Variants in SMC5 observed in about 807,000 individuals in gnomAD.
SMC5 encodes the protein structural maintenance of chromosomes 5.
A neutral mutation model predicts 148.3 loss-of-function variants in SMC5; 88 were observed. That is an observed-to-expected ratio of 0.59 (90% CI 0.50 to 0.71). The LOEUF (loss-of-function observed/expected upper bound fraction) is 0.71, where lower values mean the gene tolerates loss of function less well. Among genes scored for constraint, SMC5 ranks in the 30% least tolerant of loss-of-function variants. The probability of loss-of-function intolerance (pLI) is 0.00; values close to 1 mark genes in which losing one functional copy is unlikely to be tolerated. For missense variants in SMC5, 1,142 were observed against 1,298.9 expected, an observed-to-expected ratio of 0.88 and a Z score of 1.86; for synonymous variants, 421 against 432.8, an observed-to-expected ratio of 0.97 and a Z score of 0.34.
intron 10 of SMC5, among the ~76,000 whole-genome samples, chr9:70,305,021 A>C (rs1201857310): frequency 6.6e-6 from 1 of 152,212 alleles, no homozygotes; most frequent in African/African-American, 2.4e-5. Flanking sequence ...TATCAAAATC[A>C]ATATGCACTG....
chr9:70,348,135 C>A, intron 22 of SMC5, 97 bp downstream of exon 22: 1 of 1,169,352 alleles, frequency 8.6e-7, no homozygotes, highest in Non-Finnish European at 1.1e-6. Flanking sequence ...TGAGTTATAT[C>A]TGTGAAAAGT....
In SMC5 at chr9:70,259,222, C is replaced by T. The variant is rs779694157; in HGVS notation, c.144C>T (p.Phe48=). The change falls in exon 1 of 25, where the codon TTC becomes TTT. Residue 48 remains phenylalanine (F), a synonymous_variant. Coordinates refer to ENST00000361138, the MANE Select transcript of SMC5 (RefSeq NM_015110.4). ...QLPLLQSSGP[F]VEGSIVRISM... ...CGCTGTTGCAGTCGTCCGGGCCTTT[C>T]GTGGAAGGCTCTATCGTCCGCATCT... The T allele has an allele frequency of 2.5e-6, 4 of 1,604,178 alleles. No individual in the cohort carries two copies. Among genetic ancestry groups the T allele is most frequent in the Non-Finnish European group, 1.7e-6 (2 of 1,175,076 alleles).
chr9:70,277,732 A>G (rs1001529607), intron 4 of SMC5, among the ~76,000 whole-genome samples: 9 of 152,088 alleles, frequency 5.9e-5, no homozygotes, highest in Non-Finnish European at 1.2e-4. Context: ...TGGCTCAGAT[A>G]GCTATGTGCT....
chr9:70,302,813 A>G lies in SMC5; in HGVS notation c.1465-2434A>G, dbSNP rs145072551. ...ACCACATAAACTGGCCAGTGACCCT[A>G]CTTGTGTGACTTCCTTGAGTCTTCC... On this transcript the variant is annotated intron_variant, in intron 10 of 24. Coordinates refer to ENST00000361138, the MANE Select transcript of SMC5 (RefSeq NM_015110.4). 3.9e-3 allele frequency among the ~76,000 whole-genome samples: 594 copies of G among 152,332 alleles called. 3 individuals are homozygous for G. Among genetic ancestry groups the G allele is most frequent in the African/African-American group, 0.013 (549 of 41,572 alleles).
At chr9:70,311,155 T>C (rs977861639) in intron 11 of SMC5, 4 of 152,232 alleles carry the variant, frequency 2.6e-5, no homozygotes, top group Non-Finnish European at 4.4e-5. Context: ...AGCTCAACTT[T>C]TGTCATGCCT....
At chr9:70,350,973 A>G (rs2036790545) in intron 24 of SMC5, among the ~76,000 whole-genome samples, 1 of 152,204 alleles carries the variant, frequency 6.6e-6, no homozygotes. Flanking sequence ...CTTTTGCTAA[A>G]TCTAGTGCTG....
chr9:70,261,999 A>G (rs886356583), intron 1 of SMC5, among the ~76,000 whole-genome samples: 1 of 152,196 alleles, frequency 6.6e-6, no homozygotes, highest in African/African-American at 2.4e-5. Flanking sequence ...CAAAGAGAAG[A>G]AAGAGAAGGT....
intron 8 of SMC5, among the ~76,000 whole-genome samples, chr9:70,287,410 G>A (rs974540283): frequency 6.6e-6 from 1 of 152,068 alleles, no homozygotes; most frequent in African/African-American, 2.4e-5. Flanking sequence ...GCGTGGGTGG[G>A]CCTGACGACA....
chr9:70,327,491 T>G (rs1332314410), intron 17 of SMC5, among the ~76,000 whole-genome samples: 1 of 152,080 alleles, frequency 6.6e-6, no homozygotes, highest in African/African-American at 2.4e-5. Context: ...CCTGAAAATA[T>G]GTCTAAATGC....
At chr9:70,307,250 G>T (rs1244542797) in intron 11 of SMC5, among the ~76,000 whole-genome samples, 1 of 152,118 alleles carries the variant, frequency 6.6e-6, no homozygotes, top group Non-Finnish European at 1.5e-5. Context: ...AAAATTAACC[G>T]GGTGGGGTGG....
At chr9:70,260,817 C>T (rs1009696554) in intron 1 of SMC5, among the ~76,000 whole-genome samples, 2 of 152,242 alleles carry the variant, frequency 1.3e-5, no homozygotes, top group African/African-American at 4.8e-5. Context: ...ATCAGGGCTC[C>T]GTGAAGCCTG....
intron 1 of SMC5, among the ~76,000 whole-genome samples, chr9:70,261,325 G>A (rs2034125174): frequency 6.6e-6 from 1 of 152,176 alleles, no homozygotes; most frequent in African/African-American, 2.4e-5. Flanking sequence ...TAGAAAGGGT[G>A]CAAGATTGGA....
intron 7 of SMC5, 143 bp from the exon 8 acceptor site, chr9:70,286,057 T>C: frequency 7.9e-6 from 5 of 634,026 alleles, no homozygotes; most frequent in Non-Finnish European, 5.7e-6. Flanking sequence ...CAAATAACTG[T>C]TGGTATTTTG....
intron 1 of SMC5, among the ~76,000 whole-genome samples, chr9:70,261,666 G>A (rs774769538): frequency 3.9e-5 from 6 of 152,318 alleles, no homozygotes; most frequent in Middle Eastern, 3.4e-3. Flanking sequence ...GGTGATTGAT[G>A]AAGTTGCAGA....
At position 70,298,053 on chromosome 9, in the gene SMC5, G is replaced by A. The variant is rs1290066337; in HGVS notation, c.1141G>A (p.Glu381Lys). The A allele has an allele frequency of 1.5e-5, 25 of 1,613,990 alleles. No homozygotes were observed. The highest frequency in any genetic ancestry group is 2.0e-5 in the Non-Finnish European group (24 of 1,179,936). Reference sequence around the variant, plus strand: ...AATAGGTAATACCCGCAAAATGATAGAGGATTTGCAAAATGAACTAAAGAC... The same window carrying A: ...AATAGGTAATACCCGCAAAATGATAAAGGATTTGCAAAATGAACTAAAGAC... ...RRIGNTRKMIEDLQNELKTTE... is the reference protein window; with the variant it reads ...RRIGNTRKMIKDLQNELKTTE... Residue 381 changes from glutamate to lysine, a missense_variant, in exon 9 of 25, where the codon GAG becomes AAG. This residue lies in a region of SMC5 where 743 missense variants were observed against 835.7 expected (regional missense o/e 0.89). Coordinates refer to ENST00000361138, the MANE Select transcript of SMC5 (RefSeq NM_015110.4).
intron 8 of SMC5, among the ~76,000 whole-genome samples, chr9:70,289,741 C>G (rs1182873204): frequency 1.3e-5 from 2 of 151,840 alleles, no homozygotes; most frequent in African/African-American, 4.8e-5. Context: ...TTAAGTGACA[C>G]ATTTCTAACA....
intron 3 of SMC5, among the ~76,000 whole-genome samples, chr9:70,274,009 T>C (rs1376447764): frequency 6.6e-6 from 1 of 152,250 alleles, no homozygotes; most frequent in Non-Finnish European, 1.5e-5. Flanking sequence ...ATTACACTAT[T>C]CCTCTATGCA....
Position 70,300,047 on chromosome 9 carries a change from T to G in SMC5, c.1311T>G (p.Ser437Arg). The G allele has an allele frequency of 6.4e-7, 1 of 1,562,622 alleles. No homozygotes were observed. The highest frequency in any genetic ancestry group is 2.3e-5 in the East Asian group (1 of 43,400). Residue 437 changes from serine (S) to arginine (R), a missense_variant and splice_region_variant, in exon 10 of 25, where the codon AGT becomes AGG. Physicochemically the swap from Ser to Arg is moderately radical, Grantham distance 110. This residue lies in a region of SMC5 where 743 missense variants were observed against 835.7 expected (regional missense o/e 0.89). Transcript: ENST00000361138. ...CTTTGTTTTGTTTTACAATTTTAGG[T>G]GTGGACGATCATATTGTACGTTTTG... ...ERETLEKEKKSVDDHIVRFDN... is the reference protein window; with the variant it reads ...ERETLEKEKKRVDDHIVRFDN...
intron 17 of SMC5, among the ~76,000 whole-genome samples, chr9:70,332,049 C>T (rs1436325573): frequency 6.6e-6 from 1 of 152,114 alleles, no homozygotes; most frequent in African/African-American, 2.4e-5. Context: ...ATAAATTTGA[C>T]AACTTTGATG....
Sources: allele counts gnomAD v4.1 joint callset (sites outside exome capture counted in the v4.1 genomes callset), GRCh38; gene constraint gnomAD v4.1.1; regional missense constraint gnomAD v4.1.1; transcripts MANE v1.5; gene names NCBI Gene and HGNC (gene_info 2026-07-23, HGNC 2026-07-21).